The following WWOX variants were observed in gnomAD, a reference collection of about 807,000 sequenced individuals.
WWOX encodes WW domain containing oxidoreductase.
Under a neutral mutation model 46.2 loss-of-function variants are expected in WWOX, and 69 were observed. The ratio of observed to expected loss-of-function variants is 1.49; its 90% CI spans 1.23 to 1.82. The LOEUF (loss-of-function observed/expected upper bound fraction) is 1.82, where lower values mean the gene tolerates loss of function less well. WWOX is among the 40% of genes most tolerant of loss of function. The pLI is 0.00. For synonymous variants in WWOX, 359 were observed against 202.6 expected (o/e 1.77, Z -6.56); for missense variants, 919 against 542.6 (o/e 1.69, Z -6.89).
chr16:78,164,143 A>G, intron 4 of WWOX, 40 bp from the exon 5 acceptor site: 15 of 1,562,866 alleles, frequency 9.6e-6, no homozygotes, highest in Non-Finnish European at 1.3e-5. Flanking sequence ...CACTGTGTTG[A>G]TGTTATGTTT....
At chr16:78,872,063 C>G (rs1205905856) in intron 8 of WWOX, among the ~76,000 whole-genome samples, 1 of 152,214 alleles carries the variant, frequency 6.6e-6, no homozygotes, top group Non-Finnish European at 1.5e-5. Context: ...ACCCTTCTAA[C>G]CAGTGTTTGA....
intron 5 of WWOX, among the ~76,000 whole-genome samples, chr16:78,231,094 C>T (rs563587617): frequency 1.3e-4 from 20 of 152,332 alleles, no homozygotes; most frequent in East Asian, 7.7e-4. Context: ...ATTCTGGCAG[C>T]TTGACATCAC....
At chr16:78,794,916 G>C (rs548253823) in intron 8 of WWOX, among the ~76,000 whole-genome samples, 12 of 152,340 alleles carry the variant, frequency 7.9e-5, no homozygotes, top group African/African-American at 2.9e-4. Flanking sequence ...TGTTAGCCCT[G>C]TGCCTGGCAT....
chr16:78,965,292 G>C (rs948935259), intron 8 of WWOX, among the ~76,000 whole-genome samples: 5 of 152,194 alleles, frequency 3.3e-5, no homozygotes, highest in African/African-American at 1.2e-4. Flanking sequence ...AATTTGGCCA[G>C]ACACGGTGGC....
At chr16:78,940,210 C>G (rs995074314) in intron 8 of WWOX, among the ~76,000 whole-genome samples, 1 of 151,990 alleles carries the variant, frequency 6.6e-6, no homozygotes, top group Admixed American at 6.6e-5. Context: ...ATTATAAATT[C>G]GAGTAACAGA....
intron 8 of WWOX, among the ~76,000 whole-genome samples, chr16:79,115,743 C>T (rs182303466): frequency 6.6e-6 from 1 of 152,120 alleles, no homozygotes; most frequent in South Asian, 2.1e-4. Context: ...GACTGACCTG[C>T]GTGTAGAAGT....
chr16:78,914,512 A>C (rs994889107), intron 8 of WWOX, among the ~76,000 whole-genome samples: 12 of 151,946 alleles, frequency 7.9e-5, no homozygotes, highest in Admixed American at 1.3e-4. Context: ...ACTGAATGGG[A>C]ATTGATGCTT....
chr16:79,119,277 A>G (rs774017686), intron 8 of WWOX, among the ~76,000 whole-genome samples: 4 of 152,204 alleles, frequency 2.6e-5, no homozygotes, highest in Admixed American at 6.5e-5. Context: ...GAGAATCCAG[A>G]GAAACACAGC....
chr16:79,136,049 A>G (rs888572616), intron 8 of WWOX, among the ~76,000 whole-genome samples: 3 of 152,140 alleles, frequency 2.0e-5, no homozygotes, highest in African/African-American at 4.8e-5. Context: ...TTAACTTTCT[A>G]TATTCAAATA....
intron 5 of WWOX, among the ~76,000 whole-genome samples, chr16:78,295,391 C>G (rs1214015030): frequency 1.3e-5 from 2 of 152,170 alleles, no homozygotes; most frequent in East Asian, 1.9e-4. Context: ...ATCTCCAACA[C>G]TGGCTGTTTA....
At chr16:78,750,089 G>T (rs1193042484) in intron 8 of WWOX, among the ~76,000 whole-genome samples, 1 of 152,158 alleles carries the variant, frequency 6.6e-6, no homozygotes, top group African/African-American at 2.4e-5. Context: ...ATTGCTGAAA[G>T]TCTTTTTCAC....
At chr16:78,954,120 T>G (rs2046117510) in intron 8 of WWOX, among the ~76,000 whole-genome samples, 2 of 152,198 alleles carry the variant, frequency 1.3e-5, no homozygotes, top group South Asian at 2.1e-4. Flanking sequence ...CTTTTTTAAA[T>G]TGTTAAGATC....
intron 8 of WWOX, among the ~76,000 whole-genome samples, chr16:78,708,868 C>T (rs1011676064): frequency 8.5e-5 from 13 of 152,168 alleles, no homozygotes; most frequent in Admixed American, 5.2e-4. Context: ...ATGCAAAGGA[C>T]CCTCAGTATA....
At chr16:78,891,021 C>G (rs761852528) in intron 8 of WWOX, 1 of 152,144 alleles carries the variant, frequency 6.6e-6, no homozygotes, top group Non-Finnish European at 1.5e-5. Context: ...CACAGGTTGC[C>G]TTTCCTAAAT....
In WWOX at chr16:78,903,676, C is replaced by G. The variant is rs556595757; in HGVS notation, c.1057-307932C>G. Among the ~76,000 whole-genome samples, 8 of 152,294 alleles carry G rather than the reference C, an allele frequency of 5.3e-5. No individual in the cohort carries two copies. The East Asian group carries it at 7.7e-4, about 15-fold the overall frequency. On this transcript the variant is annotated intron_variant, in intron 8 of 8. Coordinates refer to ENST00000566780, the MANE Select transcript of WWOX (RefSeq NM_016373.4). Reference sequence around the variant, plus strand: ...CTGCCTGCAGATTCTATTCCCCAGCCTCACTTTGAGAAGCACCTGGACACT... The same window carrying G: ...CTGCCTGCAGATTCTATTCCCCAGCGTCACTTTGAGAAGCACCTGGACACT...
intron 8 of WWOX, among the ~76,000 whole-genome samples, chr16:78,787,474 C>T (rs1267522531): frequency 1.3e-5 from 2 of 152,138 alleles, no homozygotes; most frequent in Non-Finnish European, 2.9e-5. Flanking sequence ...AAGGTTCATC[C>T]ATGTTGTAGA....
At chr16:78,834,181 C>T (rs923583437) in intron 8 of WWOX, among the ~76,000 whole-genome samples, 1 of 152,162 alleles carries the variant, frequency 6.6e-6, no homozygotes, top group Non-Finnish European at 1.5e-5. Flanking sequence ...CCCTTCTTCT[C>T]ATAAATCTTG....
At chr16:79,082,607 G>T (rs6564644) in intron 8 of WWOX, among the ~76,000 whole-genome samples, 1 of 151,936 alleles carries the variant, frequency 6.6e-6, no homozygotes, top group Non-Finnish European at 1.5e-5. Context: ...CCAGAAAGTC[G>T]CGAGTGTTTT....
intron 8 of WWOX, among the ~76,000 whole-genome samples, chr16:78,612,083 G>A (rs183345832): frequency 1.3e-5 from 2 of 152,196 alleles, no homozygotes; most frequent in Non-Finnish European, 2.9e-5. Context: ...GGATTCTTTA[G>A]TGTTGGTAGA....
Sources: allele counts gnomAD v4.1 joint callset (sites outside exome capture counted in the v4.1 genomes callset), GRCh38; gene constraint gnomAD v4.1.1; transcripts MANE v1.5; gene names NCBI Gene and HGNC (gene_info 2026-07-23, HGNC 2026-07-21).